The following CSMD1 variants were observed in gnomAD, a reference collection of about 807,000 sequenced individuals.
CSMD1 encodes CUB and sushi domain-containing protein 1.
A neutral mutation model predicts 417.5 loss-of-function variants in CSMD1; 213 were observed. That is an observed-to-expected ratio of 0.51 (90% confidence interval 0.46 to 0.57). CSMD1 has a LOEUF of 0.57. Among genes scored for constraint, CSMD1 ranks in the 20% least tolerant of loss-of-function variants. The probability of loss-of-function intolerance (pLI) is 0.00; values close to 1 mark genes in which losing one functional copy is unlikely to be tolerated. For missense variants in CSMD1, 6,923 were observed against 4,529.7 expected (o/e 1.53, Z -15.17); for synonymous variants, 2,862 against 1,736.8 (o/e 1.65, Z -16.11).
At chr8:3,359,762 C>T (rs1228932586) in intron 20 of CSMD1, among the ~76,000 whole-genome samples, 2 of 152,060 alleles carry the variant, frequency 1.3e-5, no homozygotes, top group Non-Finnish European at 2.9e-5. Flanking sequence ...ATGTTCCCAA[C>T]ACAAAGAAAT....
At chr8:3,825,063 G>A (rs1219974897) in intron 5 of CSMD1, among the ~76,000 whole-genome samples, 1 of 152,116 alleles carries the variant, frequency 6.6e-6, no homozygotes, top group African/African-American at 2.4e-5. Flanking sequence ...CTGTGATGAG[G>A]GCTTCTAGGT....
chr8:3,181,606 T>C (rs1821331598), intron 36 of CSMD1, among the ~76,000 whole-genome samples: 1 of 152,192 alleles, frequency 6.6e-6, no homozygotes, highest in African/African-American at 2.4e-5. Flanking sequence ...AGTCGGACCC[T>C]GTGGATAGTG....
At chr8:4,340,191 C>A (rs1390734156) in intron 3 of CSMD1, among the ~76,000 whole-genome samples, 2 of 151,980 alleles carry the variant, frequency 1.3e-5, no homozygotes, top group Non-Finnish European at 2.9e-5. Flanking sequence ...ATCCAAAAAA[C>A]TAATGACACC....
At chr8:3,365,433 T>C (rs546932952) in intron 20 of CSMD1, among the ~76,000 whole-genome samples, 5 of 152,352 alleles carry the variant, frequency 3.3e-5, no homozygotes, top group Admixed American at 6.5e-5. Context: ...CAACATGCAC[T>C]AGTTAGTAGG....
At chr8:3,665,702 T>A (rs11995993) in intron 7 of CSMD1, among the ~76,000 whole-genome samples, 25,520 of 152,088 alleles carry the variant, frequency 0.17, 2,260 homozygotes, top group South Asian at 0.22. Flanking sequence ...TGTGAAACCA[T>A]CGCTACATAT....
rs375692348 is a variant in CSMD1 at position 4,829,548 on chromosome 8, T to C, written c.85+164784A>G. On this transcript the variant is annotated intron_variant, in intron 1 of 69. Transcript: ENST00000635120. ...CTTGAGCCCAGGAGTTCAAGAGCAG[T>C]CTGGGCAACATGGCAACCTCATCTT... Among the ~76,000 whole-genome samples the C allele has an allele frequency of 2.0e-5, 3 of 151,920 alleles. No homozygotes were observed. The South Asian group carries it at 6.2e-4, about 32-fold the overall frequency.
In CSMD1 at chr8:4,787,538, G is replaced by A. The variant is rs192443054; in HGVS notation, c.86-149980C>T. The A allele has an allele frequency of 1.7e-3, 2,330 of 1,348,192 alleles. 9 individuals are homozygous for A. Among genetic ancestry groups the A allele is most frequent in the Non-Finnish European group, 2.2e-3 (2,122 of 945,958 alleles). 83.5% of individuals were successfully genotyped at this position (1,348,192 alleles called of 1,614,324 possible). On this transcript the variant is annotated intron_variant, in intron 1 of 69. Coordinates refer to ENST00000635120, the MANE Select transcript of CSMD1 (RefSeq NM_033225.6). ...ATTATAGGAAGCAGGTATTAAAACT[G>A]CCTTCACCAGAAAATGTGGGGAGAC...
intron 2 of CSMD1, among the ~76,000 whole-genome samples, chr8:4,583,520 ACT>A (rs1267083728): frequency 6.6e-6 from 1 of 151,580 alleles, no homozygotes; most frequent in African/African-American, 2.4e-5. Context: ...ACCAATCGAC[ACT>A]CTGTATCTTG....
In CSMD1 at chr8:4,252,393, C is replaced by A. The variant is rs150413139; in HGVS notation, c.415+167560G>T. On this transcript the variant is annotated intron_variant, in intron 3 of 69. Coordinates refer to ENST00000635120, the MANE Select transcript of CSMD1 (RefSeq NM_033225.6). Reference sequence around the variant, plus strand: ...GCTGAAGTTATGTATTGTCTTTTTCCAGTGATCAAAACAAAAACTGAGACT... The same window carrying A: ...GCTGAAGTTATGTATTGTCTTTTTCAAGTGATCAAAACAAAAACTGAGACT... 7.9e-5 allele frequency among the ~76,000 whole-genome samples: 12 copies of A among 152,242 alleles called. No individual in the cohort carries two copies. In the East Asian group the frequency reaches 2.3e-3, roughly 29 times the overall value.
chr8:4,261,283 G>C (rs1585117419), intron 3 of CSMD1, among the ~76,000 whole-genome samples: 1 of 151,942 alleles, frequency 6.6e-6, no homozygotes, highest in South Asian at 2.1e-4. Context: ...TTTCCTTTTT[G>C]TTTCTAAGTG....
At chr8:3,989,073 T>G (rs557720497) in intron 5 of CSMD1, among the ~76,000 whole-genome samples, 1 of 152,354 alleles carries the variant, frequency 6.6e-6, no homozygotes, top group South Asian at 2.1e-4. Context: ...ATCTGAACTC[T>G]CTATGGCACT....
intron 26 of CSMD1, among the ~76,000 whole-genome samples, chr8:3,253,173 T>C (rs978314238): frequency 2.0e-5 from 3 of 152,174 alleles, no homozygotes; most frequent in Admixed American, 1.3e-4. Context: ...TTTAGTGCTA[T>C]AAATTTCCCT....
intron 12 of CSMD1, among the ~76,000 whole-genome samples, chr8:3,450,411 T>G (rs1283884064): frequency 6.6e-6 from 1 of 152,062 alleles, no homozygotes; most frequent in African/African-American, 2.4e-5. Flanking sequence ...GCTGCACCCA[T>G]TAACTCGTCA....
intron 52 of CSMD1, among the ~76,000 whole-genome samples, chr8:3,011,094 A>G (rs1046060958): frequency 2.0e-5 from 3 of 152,218 alleles, no homozygotes; most frequent in African/African-American, 7.2e-5. Context: ...AGATTTCATA[A>G]AAGAAGAACC....
intron 11 of CSMD1, among the ~76,000 whole-genome samples, chr8:3,480,614 A>T (rs1419647563): frequency 1.3e-5 from 2 of 152,158 alleles, no homozygotes; most frequent in Non-Finnish European, 2.9e-5. Flanking sequence ...AAATAAACCT[A>T]AACAAATCCA....
intron 7 of CSMD1, among the ~76,000 whole-genome samples, chr8:3,644,328 G>C (rs190841486): frequency 3.9e-5 from 6 of 152,342 alleles, no homozygotes; most frequent in East Asian, 1.9e-4. Context: ...ATAGGTCTTA[G>C]AGGCAAATGG....
chr8:4,648,624 T>A (rs781638326), intron 1 of CSMD1, among the ~76,000 whole-genome samples: 1 of 152,226 alleles, frequency 6.6e-6, no homozygotes, highest in Non-Finnish European at 1.5e-5. Context: ...AAAATCATGA[T>A]GCATATCACC....
chr8:4,808,219 C>T (rs930500119), intron 1 of CSMD1, among the ~76,000 whole-genome samples: 1 of 152,106 alleles, frequency 6.6e-6, no homozygotes, highest in Non-Finnish European at 1.5e-5. Flanking sequence ...CGGTCAGCAG[C>T]GGTATAGGGT....
rs190957089 is a variant in CSMD1, at chr8:4,988,865, C to T, written c.85+5467G>A. 3.0e-3 allele frequency among the ~76,000 whole-genome samples: 456 copies of T among 152,328 alleles called. 3 individuals are homozygous for T. The highest frequency in any genetic ancestry group is 0.01 in the African/African-American group (427 of 41,576). On this transcript the variant is annotated intron_variant, in intron 1 of 69. Coordinates refer to ENST00000635120, the MANE Select transcript of CSMD1 (RefSeq NM_033225.6). ...GTGTGCATTATTTCCATAAAGCTCCCTATAATCAGTCAATTTCAGCTGGCT... is the reference window on the plus strand; with the variant it reads ...GTGTGCATTATTTCCATAAAGCTCCTTATAATCAGTCAATTTCAGCTGGCT...
Sources: gnomAD v4.1 joint callset for allele counts (sites outside exome capture counted in the v4.1 genomes callset) on GRCh38, gnomAD v4.1.1 for gene constraint, MANE v1.5 for transcripts, NCBI Gene and HGNC (gene_info 2026-07-23, HGNC 2026-07-21) for gene names.